The following UBAC2 variants were observed in gnomAD, a reference collection of about 807,000 sequenced individuals.
UBAC2 encodes UBA domain containing 2.
Under a neutral mutation model 44.0 loss-of-function variants are expected in UBAC2, and 26 were observed. The observed-to-expected ratio is 0.59, with a 90% CI of 0.43 to 0.82. The LOEUF is 0.82. Among genes scored for constraint, UBAC2 ranks in the 40% least tolerant of loss-of-function variants. UBAC2 has a pLI of 0.00. For synonymous variants in UBAC2, 155 were observed against 154.3 expected, an observed-to-expected ratio of 1.00 and a Z score of -0.04; for missense variants, 329 against 419.4, an observed-to-expected ratio of 0.78 and a Z score of 1.88.
At chr13:99,267,302 T>G (rs1035309140) in intron 4 of UBAC2, among the ~76,000 whole-genome samples, 1 of 152,224 alleles carries the variant, frequency 6.6e-6, no homozygotes, top group Non-Finnish European at 1.5e-5. Flanking sequence ...ATTTTTTCTC[T>G]TACTCCGTAG....
At chr13:99,279,355 C>T (rs1296035938) in intron 4 of UBAC2, among the ~76,000 whole-genome samples, 1 of 152,182 alleles carries the variant, frequency 6.6e-6, no homozygotes, top group South Asian at 2.1e-4. Context: ...AAACTGCCAC[C>T]ATTCAAGTGT....
At chr13:99,268,708 A>G (rs1473966692) in intron 4 of UBAC2, among the ~76,000 whole-genome samples, 1 of 151,634 alleles carries the variant, frequency 6.6e-6, no homozygotes, top group Non-Finnish European at 1.5e-5. Flanking sequence ...TCAGCTGTAG[A>G]GGCACTGAAT....
At chr13:99,351,766 A>T (rs1347833425) in intron 7 of UBAC2, 1 of 456,758 alleles carries the variant, frequency 2.2e-6, no homozygotes, top group Non-Finnish European at 4.4e-6. Context: ...GTACAAGCCA[A>T]GTGGGACATT....
intron 8 of UBAC2, among the ~76,000 whole-genome samples, chr13:99,368,872 C>T (rs1383511158): frequency 2.0e-5 from 3 of 152,066 alleles, no homozygotes; most frequent in Non-Finnish European, 2.9e-5. Context: ...GGATTCCAGG[C>T]CCAGTGTAGG....
intron 4 of UBAC2, among the ~76,000 whole-genome samples, chr13:99,263,506 GT>G (rs1006735397): frequency 3.3e-5 from 5 of 152,226 alleles, no homozygotes; most frequent in Non-Finnish European, 5.9e-5. Context: ...ACAGTGCAAA[GT>G]GCTGGCAAGG....
At chr13:99,356,963 G>A (rs932024003) in intron 7 of UBAC2, among the ~76,000 whole-genome samples, 1 of 152,192 alleles carries the variant, frequency 6.6e-6, no homozygotes, top group African/African-American at 2.4e-5. Context: ...TTGCCACAAA[G>A]CTTTTGCTGA....
At chr13:99,320,281 G>A (rs972186470) in intron 6 of UBAC2, among the ~76,000 whole-genome samples, 5 of 151,716 alleles carry the variant, frequency 3.3e-5, no homozygotes, top group African/African-American at 9.7e-5. Flanking sequence ...AGTCTTTTCC[G>A]GTACACATGT....
chr13:99,211,108 A>G (rs1479511849), intron 1 of UBAC2, among the ~76,000 whole-genome samples: 4 of 152,218 alleles, frequency 2.6e-5, no homozygotes, highest in Non-Finnish European at 4.4e-5. Flanking sequence ...GGTAGTACCA[A>G]TTTAAACTCC....
intron 7 of UBAC2, among the ~76,000 whole-genome samples, chr13:99,354,757 A>G (rs1298626652): frequency 6.6e-6 from 1 of 152,164 alleles, no homozygotes; most frequent in Non-Finnish European, 1.5e-5. Flanking sequence ...AGGCAGTGTC[A>G]TTGTGAAAGG....
intron 5 of UBAC2, 114 bp from the exon 6 acceptor site, chr13:99,317,908 C>G: frequency 1.3e-6 from 1 of 759,962 alleles, no homozygotes; most frequent in Non-Finnish European, 2.1e-6. Context: ...TGTATTATGG[C>G]ATATATAATT....
chr13:99,325,473 A>G (rs2138793537), intron 6 of UBAC2, among the ~76,000 whole-genome samples: 1 of 152,048 alleles, frequency 6.6e-6, no homozygotes, highest in African/African-American at 2.4e-5. Flanking sequence ...CCCCTATTTC[A>G]CTCACATATC....
At chr13:99,207,535 C>T (rs750393822) in intron 1 of UBAC2, among the ~76,000 whole-genome samples, 2 of 152,202 alleles carry the variant, frequency 1.3e-5, no homozygotes, top group Non-Finnish European at 2.9e-5. Flanking sequence ...TGCTACTCTT[C>T]GATGGCGGGG....
intron 4 of UBAC2, among the ~76,000 whole-genome samples, chr13:99,302,537 A>T (rs2138734961): frequency 1.3e-5 from 2 of 152,342 alleles, no homozygotes; most frequent in South Asian, 4.1e-4. Context: ...CTTCTTGTTC[A>T]AACAGGGGCA....
At chr13:99,310,852 G>C (rs1269290247) in intron 4 of UBAC2, among the ~76,000 whole-genome samples, 1 of 152,030 alleles carries the variant, frequency 6.6e-6, no homozygotes, top group Admixed American at 6.5e-5. Flanking sequence ...AATGTAAACA[G>C]AAGAACTTCT....
At chr13:99,305,137 G>A (rs939270352) in intron 4 of UBAC2, among the ~76,000 whole-genome samples, 3 of 152,186 alleles carry the variant, frequency 2.0e-5, no homozygotes, top group African/African-American at 7.2e-5. Flanking sequence ...AAAAGATGGT[G>A]AATATCTAGA....
At chr13:99,289,060 C>G (rs2044057118) in intron 4 of UBAC2, among the ~76,000 whole-genome samples, 1 of 152,176 alleles carries the variant, frequency 6.6e-6, no homozygotes, top group Non-Finnish European at 1.5e-5. Flanking sequence ...TTATCTAACA[C>G]TTACTTCACT....
chr13:99,286,095 G>A (rs758721629), intron 4 of UBAC2, among the ~76,000 whole-genome samples: 4 of 152,184 alleles, frequency 2.6e-5, no homozygotes, highest in Non-Finnish European at 2.9e-5. Flanking sequence ...TCCTGGAGGC[G>A]CTGGATCTGG....
chr13:99,317,352 A>AT lies in UBAC2; in HGVS notation c.514-661dup, dbSNP rs201543366. Among the ~76,000 whole-genome samples, 1,053 of 151,916 alleles carry AT rather than the reference A, an allele frequency of 6.9e-3. 7 individuals carry two copies. The highest frequency in any genetic ancestry group is 0.024 in the African/African-American group (999 of 41,434). ...CAGGAACACTTTCAGAGTCCTTATG[A>AT]TTTTTTTTTAATTACCCTGAGCACA... is the stretch of plus-strand genomic sequence containing the variant. On this transcript the variant is annotated intron_variant, in intron 5 of 8. Coordinates refer to ENST00000403766, the MANE Select transcript of UBAC2 (RefSeq NM_001144072.2).
chr13:99,339,505 T>C (rs1044281106), intron 6 of UBAC2, among the ~76,000 whole-genome samples: 4 of 152,222 alleles, frequency 2.6e-5, no homozygotes, highest in Admixed American at 1.3e-4. Flanking sequence ...TGTAGCACAG[T>C]CTCAAAGAAT....
Sources: gnomAD v4.1 joint callset for allele counts (sites outside exome capture counted in the v4.1 genomes callset) on GRCh38, gnomAD v4.1.1 for gene constraint, MANE v1.5 for transcripts, NCBI Gene and HGNC (gene_info 2026-07-23, HGNC 2026-07-21) for gene names.